The following CCDC125 variants were observed in gnomAD, a reference collection of about 807,000 sequenced individuals.
CCDC125 encodes the protein coiled-coil domain-containing protein 125.
Under a neutral mutation model 57.4 loss-of-function variants are expected in CCDC125, and 43 were observed. The observed-to-expected ratio is 0.75, with a 90% CI of 0.59 to 0.97. The LOEUF is 0.97. Ranked by LOEUF, CCDC125 falls within the 50% of genes least tolerant of loss-of-function variation. The pLI, the probability that CCDC125 is intolerant of heterozygous loss-of-function variation, is 0.00. For synonymous variants in CCDC125, 187 were observed against 195.2 expected (o/e 0.96, Z 0.35); for missense variants, 563 against 595.7 (o/e 0.95, Z 0.57).
At chr5:69,285,053 C>T (rs545928517) in intron 11 of CCDC125, among the ~76,000 whole-genome samples, 18 of 151,992 alleles carry the variant, frequency 1.2e-4, no homozygotes, top group Non-Finnish European at 2.1e-4. Context: ...GCCGAGATCG[C>T]GCCGCTGCAC....
intron 7 of CCDC125, among the ~76,000 whole-genome samples, chr5:69,302,284 T>C (rs957247438): frequency 7.3e-5 from 11 of 150,504 alleles, no homozygotes; most frequent in African/African-American, 2.7e-4. Context: ...TAGCCAGGTG[T>C]GGTGGCAGGC....
At chr5:69,277,287 A>AT (rs1404373725), downstream of CCDC125, 2 of 456,414 alleles carry the variant, frequency 4.4e-6, no homozygotes, top group Non-Finnish European at 7.7e-6. Context: ...TTTTTATTAA[A>AT]TGTATTTTAA....
chr5:69,329,492 T>C (rs1337105796), intron 1 of CCDC125, among the ~76,000 whole-genome samples: 2 of 148,150 alleles, frequency 1.3e-5, no homozygotes, highest in African/African-American at 4.9e-5. Context: ...CCAGCCAGGA[T>C]TCAAGTCTTT....
At chr5:69,328,501 A>T (rs905067069) in intron 1 of CCDC125, among the ~76,000 whole-genome samples, 1 of 151,978 alleles carries the variant, frequency 6.6e-6, no homozygotes, top group Non-Finnish European at 1.5e-5. Flanking sequence ...TAAAATAAAA[A>T]TAAAAATAAA....
At chr5:69,321,700 G>C (rs80040694) in intron 1 of CCDC125, among the ~76,000 whole-genome samples, 2 of 152,180 alleles carry the variant, frequency 1.3e-5, no homozygotes, top group Non-Finnish European at 2.9e-5. Flanking sequence ...ACATAATTTG[G>C]TGCATAACTG....
chr5:69,279,342 G>A (rs1412259256), downstream of CCDC125, among the ~76,000 whole-genome samples: 2 of 71,672 alleles, frequency 2.8e-5, no homozygotes, highest in Admixed American at 1.5e-4. Flanking sequence ...GACTACAGGT[G>A]CCCGCCACCA....
At chr5:69,294,312 T>A (rs917473743) in intron 9 of CCDC125, among the ~76,000 whole-genome samples, 1 of 152,218 alleles carries the variant, frequency 6.6e-6, no homozygotes, top group African/African-American at 2.4e-5. Flanking sequence ...AAGTACTTTT[T>A]TTTTTTTTCT....
At chr5:69,327,458 C>T (rs1305812053) in intron 1 of CCDC125, among the ~76,000 whole-genome samples, 1 of 152,196 alleles carries the variant, frequency 6.6e-6, no homozygotes, top group African/African-American at 2.4e-5. Flanking sequence ...TTAAACTTCA[C>T]TTTTGAAACA....
intron 8 of CCDC125, 89 bp from the exon 9 acceptor site, chr5:69,294,989 G>T: frequency 2.0e-6 from 2 of 1,021,692 alleles, no homozygotes; most frequent in Admixed American, 2.3e-5. Context: ...ACATACCCAT[G>T]CACACTACTA....
In CCDC125 at chr5:69,331,987, A is replaced by C. The variant is rs112725625; in HGVS notation, c.-41+662T>G. Among the ~76,000 whole-genome samples, 288 of 152,348 alleles carry C rather than the reference A, an allele frequency of 1.9e-3. 3 individuals carry two copies. Among genetic ancestry groups the C allele is most frequent in the African/African-American group, 5.9e-3 (245 of 41,564 alleles). On this transcript the variant is annotated intron_variant, in intron 1 of 11. Coordinates refer to ENST00000396496, the MANE Select transcript of CCDC125 (RefSeq NM_176816.5). ...TTTGCTTATGCACAACATGTGTTCC[A>C]AAGATATTTGACAGAATCGAAAGAG...
chr5:69,314,948 G>A (rs1311745434), intron 2 of CCDC125, among the ~76,000 whole-genome samples: 1 of 152,058 alleles, frequency 6.6e-6, no homozygotes, highest in Non-Finnish European at 1.5e-5. Context: ...ATGATGTAGT[G>A]GTATAAATAT....
chr5:69,288,256 G>C (rs1366079498), intron 10 of CCDC125, among the ~76,000 whole-genome samples: 1 of 152,116 alleles, frequency 6.6e-6, no homozygotes, highest in Non-Finnish European at 1.5e-5. Context: ...ATGGGCTCCT[G>C]GATAGCCTCA....
Position 69,281,495 on chromosome 5 carries a change from A to G in CCDC125, c.*1234T>C, listed in dbSNP as rs971329139. On this transcript the variant is annotated 3_prime_UTR_variant, in exon 12 of 12. Transcript: ENST00000396496. ...TGAAAAGAGCTGTTAAGCACTTTGTAGACTTGGCTACAAATCTGTGCAGAT... is the reference window on the plus strand; with the variant it reads ...TGAAAAGAGCTGTTAAGCACTTTGTGGACTTGGCTACAAATCTGTGCAGAT... 1.3e-5 allele frequency: 2 copies of G among 152,234 alleles called. No individual in the cohort carries two copies. The highest frequency in any genetic ancestry group is 4.8e-5 in the African/African-American group (2 of 41,474). 9.4% of individuals were successfully genotyped at this position (152,234 alleles called of 1,614,324 possible).
chr5:69,284,763 GGAA>G (rs1753037642), intron 11 of CCDC125, among the ~76,000 whole-genome samples: 2 of 152,074 alleles, frequency 1.3e-5, no homozygotes, highest in South Asian at 2.1e-4. Flanking sequence ...GGGCCACACT[GGAA>G]GAAGAAGAAT....
intron 10 of CCDC125, among the ~76,000 whole-genome samples, chr5:69,290,622 T>A (rs1424945935): frequency 1.1e-4 from 15 of 139,008 alleles, no homozygotes; most frequent in Admixed American, 1.0e-3. Flanking sequence ...TTTTTTTTCT[T>A]TTTTTTCTTT....
intron 1 of CCDC125, among the ~76,000 whole-genome samples, chr5:69,330,543 G>A (rs1012668596): frequency 6.6e-6 from 1 of 151,704 alleles, no homozygotes; most frequent in Non-Finnish European, 1.5e-5. Flanking sequence ...GCAGTGAGCC[G>A]AGATTGCACC....
At chr5:69,329,944 G>A (rs1443600722) in intron 1 of CCDC125, among the ~76,000 whole-genome samples, 3 of 152,184 alleles carry the variant, frequency 2.0e-5, no homozygotes, top group African/African-American at 7.2e-5. Context: ...GCTGTAGGAT[G>A]AATAGATTAC....
the CCDC125 span, among the ~76,000 whole-genome samples, chr5:69,273,469 A>G: frequency 6.6e-6 from 1 of 152,182 alleles, no homozygotes; most frequent in Non-Finnish European, 1.5e-5. Flanking sequence ...AATGCAATCC[A>G]GGTATGCATG....
At chr5:69,309,795 C>T (rs1757870227) in intron 4 of CCDC125, 2 of 152,526 alleles carry the variant, frequency 1.3e-5, no homozygotes, top group African/African-American at 2.4e-5. Context: ...CCTGTGAAAG[C>T]AGCCAGGAGG....
Sources: gnomAD v4.1 joint callset for allele counts (sites outside exome capture counted in the v4.1 genomes callset) on GRCh38, gnomAD v4.1.1 for gene constraint, MANE v1.5 for transcripts, NCBI Gene and HGNC (gene_info 2026-07-23, HGNC 2026-07-21) for gene names.